MTTP: variants seen among roughly 807,000 people sequenced by gnomAD.
MTTP encodes the protein microsomal triglyceride transfer protein, also known as microsomal triglyceride transfer protein large subunit.
A neutral mutation model predicts 90.6 loss-of-function variants in MTTP; 49 were observed. The observed-to-expected ratio is 0.54, with a 90% confidence interval of 0.43 to 0.69. The LOEUF (loss-of-function observed/expected upper bound fraction) is 0.69. Among genes scored for constraint, MTTP ranks in the 30% least tolerant of loss-of-function variants. MTTP has a pLI of 0.00. For synonymous variants in MTTP, 347 were observed against 384.2 expected (o/e 0.90, Z 1.13); for missense variants, 945 against 1,067.5 (o/e 0.89, Z 1.60).
chr4:99,619,263 T>C (rs1190804892), intron 16 of MTTP, among the ~76,000 whole-genome samples, 165 bp downstream of exon 16: 2 of 152,176 alleles, frequency 1.3e-5, no homozygotes, highest in East Asian at 3.8e-4. Context: ...AATTATTCTG[T>C]CTATAGCTTC....
rs753589167 is a variant in MTTP, at chr4:99,597,205, A to G, written c.1048A>G (p.Met350Val). The G allele has an allele frequency of 3.7e-6, 6 of 1,613,622 alleles. No individual in the cohort carries two copies. ...AGAAGAGATCCTTCAAATACTAAAG[A>G]TGGAAAATAAGGAAGTATTGTAAGT... ...KKEEILQILK[M>V]ENKEVLPQLV... Residue 350 changes from methionine (M) to valine (V), a missense_variant, in exon 8 of 18, where the codon ATG becomes GTG. Met to Val is a conservative substitution (Grantham distance 21). Coordinates refer to ENST00000265517, the MANE Select transcript of MTTP (RefSeq NM_001386140.1).
In MTTP at chr4:99,598,653, C is replaced by CTTTTTTTT. The variant is rs745529189; in HGVS notation, c.1067+1450_1067+1457dup. ...ACAACAGTATATCCTTCAAGGAAGT[C>CTTTTTTTT]TTTTTTTTTTTTTTTTTTTTTTTTT... On this transcript the variant is annotated intron_variant, in intron 8 of 17. Transcript: ENST00000265517. Among the ~76,000 whole-genome samples, 108 of 82,532 alleles carry CTTTTTTTT rather than the reference C, an allele frequency of 1.3e-3. 6 individuals are homozygous for CTTTTTTTT. The highest frequency in any genetic ancestry group is 1.9e-3 in the Non-Finnish European group (84 of 43,200). 54.1% of individuals were successfully genotyped at this position (82,532 alleles called of 152,430 possible).
At chr4:99,606,488 T>C (rs927644743) in intron 10 of MTTP, among the ~76,000 whole-genome samples, 2 of 152,218 alleles carry the variant, frequency 1.3e-5, no homozygotes, top group African/African-American at 2.4e-5. Flanking sequence ...ATTCAAAATG[T>C]GTTCAAAACA....
In MTTP at chr4:99,597,234, C is replaced by T; in HGVS notation, c.1067+10C>T. ...AAAATAAGGAAGTATTGTAAGTTCC[C>T]CAACCTTTGTGTGGGGTTGTCTGTC... On this transcript the variant is annotated intron_variant, in intron 8 of 17. Transcript: ENST00000265517. 1.2e-6 allele frequency: 2 copies of T among 1,612,042 alleles called. No individual in the cohort carries two copies. The highest frequency in any genetic ancestry group is 1.7e-6 in the Non-Finnish European group (2 of 1,179,466).
At position 99,591,267 on chromosome 4, in the gene MTTP, C is replaced by T. The variant is rs776885561; in HGVS notation, c.534C>T (p.Tyr178=). The T allele has an allele frequency of 6.2e-7, 1 of 1,613,804 alleles. No homozygotes were observed. The highest frequency in any genetic ancestry group is 1.1e-5 in the South Asian group (1 of 91,072). Residue 178 remains tyrosine (Y), a synonymous_variant, in exon 5 of 18, where the codon TAC becomes TAT. Transcript: ENST00000265517. ...TCTCTGGAAATTGTAAAGTGACCTA[C>T]CAGGCTCATCAAGACAAAGTGATCA... The part of the protein sequence containing the change: ...VDISGNCKVT[Y]QAHQDKVIKI...
rs1428463955 is a variant in MTTP at position 99,594,765 on chromosome 4, G to A, written c.791G>A (p.Gly264Asp). 9 of 1,613,858 alleles carry A rather than the reference G, an allele frequency of 5.6e-6. No individual in the cohort carries two copies. The highest frequency in any genetic ancestry group is 5.0e-5 in the Admixed American group (3 of 59,992). ...TTAGAGCTGAAGACAACCGAAGCAG[G>A]CCCAAGATTGATGTCTGGAAAGCAG... ...QKLELKTTEA[G>D]PRLMSGKQAA... The change falls in exon 7 of 18, where the codon GGC becomes GAC. Residue 264 changes from glycine to aspartate, a missense_variant. Gly to Asp is a moderately conservative substitution (Grantham distance 94, BLOSUM62 -1). Transcript: ENST00000265517.
In MTTP at chr4:99,577,605, C is replaced by CAA. The variant is rs10605949; in HGVS notation, c.61+2651_61+2652dup. 7.5e-3 allele frequency among the ~76,000 whole-genome samples: 757 copies of CAA among 101,214 alleles called. 12 individuals carry two copies. The highest frequency in any genetic ancestry group is 0.065 in the South Asian group (165 of 2,534). The allele number at this position is 101,214 out of a possible 152,430, so 66.4% of individuals were successfully genotyped here. A position where few individuals can be genotyped will look rare whatever the true frequency, so the allele number is the denominator to read the frequency against. ...GGGCAATAAGAGCGAAACTCTGTTT[C>CAA]AAAAAAAAAAAAAAAAAGAAAGAAA... is the stretch of plus-strand genomic sequence containing the variant. On this transcript the variant is annotated intron_variant, in intron 1 of 17. Coordinates refer to ENST00000265517, the MANE Select transcript of MTTP (RefSeq NM_001386140.1).
chr4:99,610,815 G>A (rs934285534), intron 12 of MTTP, among the ~76,000 whole-genome samples: 6 of 152,178 alleles, frequency 3.9e-5, no homozygotes, highest in Non-Finnish European at 5.9e-5. Context: ...TTAAGTGTAT[G>A]CACTATTAAA....
intron 1 of MTTP, among the ~76,000 whole-genome samples, chr4:99,565,323 TAA>T (rs1724651343): frequency 6.6e-6 from 1 of 152,222 alleles, no homozygotes; most frequent in African/African-American, 2.4e-5. Flanking sequence ...CTTCATATTC[TAA>T]TAATGAAGTC....
Position 99,601,712 on chromosome 4 carries a change from A to G in MTTP, c.1342A>G (p.Lys448Glu), listed in dbSNP as rs751803387. Residue 448 changes from lysine to glutamate, a missense_variant and splice_region_variant, in exon 10 of 18, where the codon AAA becomes GAA. Transcript: ENST00000265517. ...KLCQNEGCKL[K>E]AVVEAKKLIL... ...GTGTCAGAATGAAGGCTGCAAACTC[A>G]AAGTAAGTGCAAATCCAATCTCATG... 6.2e-7 allele frequency: 1 copy of G among 1,605,988 alleles called. No homozygotes were observed. Among genetic ancestry groups the G allele is most frequent in the Non-Finnish European group, 8.5e-7 (1 of 1,172,884 alleles).
At chr4:99,564,563 G>A (rs886727477) in intron 1 of MTTP, 2 of 261,786 alleles carry the variant, frequency 7.6e-6, no homozygotes, top group Admixed American at 5.0e-5. Flanking sequence ...CAAAACATCA[G>A]ATGACATTTC....
rs1332097659 is a variant in MTTP at position 99,623,046 on chromosome 4, T to C, written c.*198T>C. ...CTACCCACAGCGTCATTTTGAATCA[T>C]CATGTGACGCTTTCAACAACGTTCT... On this transcript the variant is annotated 3_prime_UTR_variant, in exon 18 of 18. Transcript: ENST00000265517. 9 of 617,830 alleles carry C rather than the reference T, an allele frequency of 1.5e-5. No homozygotes were observed. Among genetic ancestry groups the C allele is most frequent in the African/African-American group, 9.2e-5 (5 of 54,390 alleles). 38.3% of individuals were successfully genotyped at this position (617,830 alleles called of 1,614,324 possible).
At chr4:99,604,048 T>C (rs1344159462) in intron 10 of MTTP, among the ~76,000 whole-genome samples, 2 of 152,152 alleles carry the variant, frequency 1.3e-5, no homozygotes, top group Non-Finnish European at 2.9e-5. Context: ...TTGGCCATAG[T>C]GAATTTACTA....
intron 1 of MTTP, among the ~76,000 whole-genome samples, chr4:99,565,574 G>A (rs893609547): frequency 2.0e-5 from 3 of 152,120 alleles, no homozygotes; most frequent in African/African-American, 4.8e-5. Context: ...TATGCGTTTT[G>A]TCTTAGTATT....
chr4:99,589,252 T>G (rs1271685924), intron 3 of MTTP, among the ~76,000 whole-genome samples: 2 of 150,940 alleles, frequency 1.3e-5, no homozygotes, highest in African/African-American at 4.9e-5. Context: ...ACTTTTTTAT[T>G]TGCTATTATT....
At chr4:99,580,753 A>G (rs1023348079) in intron 1 of MTTP, among the ~76,000 whole-genome samples, 28 of 152,142 alleles carry the variant, frequency 1.8e-4, no homozygotes, top group Non-Finnish European at 2.2e-4. Context: ...TACATGTAAC[A>G]TGCAGATGAT....
chr4:99,564,751 A>G (rs1276221092), intron 1 of MTTP, among the ~76,000 whole-genome samples: 4 of 152,174 alleles, frequency 2.6e-5, no homozygotes, highest in Non-Finnish European at 4.4e-5. Context: ...CATCTTGAAT[A>G]GAAGACTGGC....
intron 16 of MTTP, chr4:99,620,748 A>G: frequency 3.1e-6 from 1 of 318,442 alleles, no homozygotes; most frequent in East Asian, 6.7e-5. Context: ...CTGGGTTCCA[A>G]GAATGTTTTC....
chr4:99,583,587 T>A (rs750467040), intron 3 of MTTP, 70 bp downstream of exon 3: 1 of 1,561,344 alleles, frequency 6.4e-7, no homozygotes, highest in Non-Finnish European at 8.8e-7. Flanking sequence ...GTAGATATTA[T>A]TTTGAGGTAA....
Sources: allele counts gnomAD v4.1 joint callset (sites outside exome capture counted in the v4.1 genomes callset), GRCh38; gene constraint gnomAD v4.1.1; transcripts MANE v1.5; gene names NCBI Gene and HGNC (gene_info 2026-07-23, HGNC 2026-07-21).